Variants in MAPKAP1 observed in about 807,000 individuals in gnomAD.
The protein encoded by MAPKAP1 is target of rapamycin complex 2 subunit MAPKAP1.
In MAPKAP1, 20 loss-of-function variants were observed where a neutral mutation model predicts 65.7. That is an observed-to-expected ratio of 0.30 (90% CI 0.21 to 0.44). The LOEUF (loss-of-function observed/expected upper bound fraction) is 0.44, where lower values mean the gene tolerates loss of function less well. Among genes scored for constraint, MAPKAP1 ranks in the 20% least tolerant of loss-of-function variants. The probability of loss-of-function intolerance (pLI) is 1.00; values close to 1 mark genes in which losing one functional copy is unlikely to be tolerated. For missense variants in MAPKAP1, 423 were observed against 648.0 expected, an observed-to-expected ratio of 0.65 and a Z score of 3.77; for synonymous variants, 222 against 244.3, an observed-to-expected ratio of 0.91 and a Z score of 0.85.
At chr9:125,629,963 T>C (rs1430219892) in intron 4 of MAPKAP1, among the ~76,000 whole-genome samples, 1 of 152,112 alleles carries the variant, frequency 6.6e-6, no homozygotes, top group African/African-American at 2.4e-5. Context: ...AATATCAAAA[T>C]TAGTTTGTAT....
At chr9:125,504,706 T>C (rs980773636) in intron 8 of MAPKAP1, among the ~76,000 whole-genome samples, 8 of 152,102 alleles carry the variant, frequency 5.3e-5, no homozygotes, top group African/African-American at 1.9e-4. Flanking sequence ...CACATGAGAA[T>C]TGCTTGAACC....
chr9:125,620,282 T>C (rs891673966), intron 4 of MAPKAP1, among the ~76,000 whole-genome samples: 5 of 152,174 alleles, frequency 3.3e-5, no homozygotes, highest in African/African-American at 9.7e-5. Flanking sequence ...CACTCCAGCC[T>C]GGATGACAGA....
intron 4 of MAPKAP1, among the ~76,000 whole-genome samples, chr9:125,588,943 T>C (rs1273058217): frequency 6.6e-6 from 1 of 152,218 alleles, no homozygotes; most frequent in East Asian, 1.9e-4. Flanking sequence ...TACCAGCACG[T>C]GTGCCTGTGT....
At chr9:125,625,251 TAAATA>T (rs1833074093) in intron 4 of MAPKAP1, among the ~76,000 whole-genome samples, 3 of 10,462 alleles carry the variant, frequency 2.9e-4, no homozygotes, top group East Asian at 2.9e-3. Flanking sequence ...AAAAAATAAA[TAAATA>T]AAAAAAAAAA....
chr9:125,564,405 A>T (rs1329257926), intron 5 of MAPKAP1, among the ~76,000 whole-genome samples: 1 of 152,230 alleles, frequency 6.6e-6, no homozygotes, highest in Non-Finnish European at 1.5e-5. Flanking sequence ...CTTTCCAAAT[A>T]TCCTGAGTAC....
chr9:125,699,407 G>C (rs1301126508), intron 1 of MAPKAP1, among the ~76,000 whole-genome samples: 3 of 151,952 alleles, frequency 2.0e-5, no homozygotes, highest in African/African-American at 7.3e-5. Context: ...ACAAGGTCTT[G>C]CTGTGTTGCC....
At chr9:125,596,232 T>C (rs1832120948) in intron 4 of MAPKAP1, 2 of 765,202 alleles carry the variant, frequency 2.6e-6, no homozygotes, top group Admixed American at 3.4e-5. Context: ...GGCTAATACT[T>C]CATCCAGCGA....
chr9:125,596,056 C>A, intron 4 of MAPKAP1: 1 of 1,271,166 alleles, frequency 7.9e-7, no homozygotes, highest in Non-Finnish European at 1.1e-6. Flanking sequence ...CGTGGAAAAA[C>A]TGAAGTGATT....
At chr9:125,590,135 T>A (rs762305676) in intron 4 of MAPKAP1, among the ~76,000 whole-genome samples, 3 of 152,194 alleles carry the variant, frequency 2.0e-5, no homozygotes, top group African/African-American at 4.8e-5. Flanking sequence ...ACTAAGGAGC[T>A]ATAGGATTCA....
chr9:125,527,072 GT>G (rs1829792591), intron 7 of MAPKAP1, among the ~76,000 whole-genome samples: 1 of 113,544 alleles, frequency 8.8e-6, no homozygotes, highest in Non-Finnish European at 2.0e-5. Context: ...TTTTTTGTTT[GT>G]TTTTTTTGGG....
At chr9:125,497,372 C>A (rs1015465456) in intron 8 of MAPKAP1, among the ~76,000 whole-genome samples, 3 of 152,234 alleles carry the variant, frequency 2.0e-5, no homozygotes, top group Non-Finnish European at 4.4e-5. Context: ...AAGTCTCTCT[C>A]TACACCACCT....
chr9:125,527,957 G>A (rs553798812), intron 7 of MAPKAP1, among the ~76,000 whole-genome samples: 1 of 152,206 alleles, frequency 6.6e-6, no homozygotes, highest in African/African-American at 2.4e-5. Context: ...TAAACACAAA[G>A]TGGTGGCCTC....
chr9:125,706,803 C>T (rs534057313), intron 1 of MAPKAP1, among the ~76,000 whole-genome samples, 168 bp downstream of exon 1: 90 of 152,252 alleles, frequency 5.9e-4, no homozygotes, highest in Non-Finnish European at 1.1e-3. Flanking sequence ...CTGACAGCCT[C>T]CAGTTCTGGA....
At chr9:125,642,692 G>A (rs1351890398) in intron 4 of MAPKAP1, among the ~76,000 whole-genome samples, 1 of 152,168 alleles carries the variant, frequency 6.6e-6, no homozygotes, top group Non-Finnish European at 1.5e-5. Context: ...CCTTGCACAT[G>A]CAGGAGTATG....
intron 5 of MAPKAP1, among the ~76,000 whole-genome samples, chr9:125,580,737 TTGTGTG>T (rs377739757): frequency 1.3e-5 from 2 of 151,280 alleles, no homozygotes; most frequent in African/African-American, 4.8e-5. Context: ...TTACATGTAC[TTGTGTG>T]TGTGTGTGTT....
intron 1 of MAPKAP1, among the ~76,000 whole-genome samples, chr9:125,682,065 ATGTT>A (rs775366642): frequency 1.5e-4 from 22 of 149,916 alleles, no homozygotes; most frequent in African/African-American, 2.2e-4. Flanking sequence ...CCCCTCCCCT[ATGTT>A]TGTTTTAACA....
chr9:125,581,242 TG>T (rs1176337657), intron 5 of MAPKAP1, among the ~76,000 whole-genome samples: 1 of 152,280 alleles, frequency 6.6e-6, no homozygotes, highest in Non-Finnish European at 1.5e-5. Flanking sequence ...CTGGGTTGTA[TG>T]GTAAATTCAC....
In MAPKAP1 at chr9:125,581,652, A is replaced by G. The variant is rs536896503; in HGVS notation, c.671+3903T>C. ...TAGCTTGTCCTTTCATCCTCTTCAC[A>G]GGGTCTTTTGCAGAGCAAATATTTT... On this transcript the variant is annotated intron_variant, in intron 5 of 11. Transcript: ENST00000265960. 3.9e-5 allele frequency among the ~76,000 whole-genome samples: 6 copies of G among 152,300 alleles called. No individual in the cohort carries two copies. The South Asian group carries it at 8.3e-4, about 21-fold the overall frequency.
chr9:125,546,854 T>C (rs1442960127), intron 6 of MAPKAP1, among the ~76,000 whole-genome samples: 1 of 151,970 alleles, frequency 6.6e-6, no homozygotes, highest in Non-Finnish European at 1.5e-5. Context: ...ACTCAAAGTC[T>C]CGGCTCAGAA....
Sources: allele counts gnomAD v4.1 joint callset (sites outside exome capture counted in the v4.1 genomes callset), GRCh38; gene constraint gnomAD v4.1.1; transcripts MANE v1.5; gene names NCBI Gene and HGNC (gene_info 2026-07-23, HGNC 2026-07-21).